KNDC1: variants seen among roughly 807,000 people sequenced by gnomAD.
The protein encoded by KNDC1 is kinase non-catalytic C-lobe domain-containing protein 1.
Under a neutral mutation model 172.8 loss-of-function variants are expected in KNDC1, and 106 were observed. That is an observed-to-expected ratio of 0.61 (90% CI 0.52 to 0.72). The LOEUF is 0.72. Ranked by LOEUF, KNDC1 falls within the 30% of genes least tolerant of loss-of-function variation. The pLI is 0.00. For missense variants in KNDC1, 2,325 were observed against 2,394.5 expected (o/e 0.97, Z 0.61); for synonymous variants, 1,083 against 1,062.2 (o/e 1.02, Z -0.38).
intron 5 of KNDC1, among the ~76,000 whole-genome samples, 200 bp from the exon 6 acceptor site, chr10:133,185,774 G>A (rs1178441371): frequency 7.8e-6 from 1 of 127,754 alleles, no homozygotes; most frequent in African/African-American, 2.9e-5. Context: ...TGGGGCAGGA[G>A]AGGAAGGCGG....
chr10:133,182,308 G>A (rs547575088), intron 3 of KNDC1, among the ~76,000 whole-genome samples: 14 of 137,566 alleles, frequency 1.0e-4, no homozygotes, highest in South Asian at 8.3e-4. Flanking sequence ...ACACGGATGC[G>A]CGTCCACTCA....
At chr10:133,202,252 G>A (rs11817328) in intron 17 of KNDC1, 13,652 of 580,322 alleles carry the variant, frequency 0.024, 1,208 homozygotes, top group African/African-American at 0.21. Context: ...CACAGCCTCC[G>A]GGCCCTTGGG....
At chr10:133,170,773 G>C (rs576236051) in intron 3 of KNDC1, among the ~76,000 whole-genome samples, 4 of 152,164 alleles carry the variant, frequency 2.6e-5, no homozygotes, top group African/African-American at 9.7e-5. Flanking sequence ...TGTGGAAAAC[G>C]CCTGGATTTT....
In KNDC1 at chr10:133,160,284, GCCCCCCGCGC is replaced by G. The variant is rs1398933601; in HGVS notation, c.-178_-169del. On this transcript the variant is annotated 5_prime_UTR_variant, in exon 1 of 30. Transcript: ENST00000304613. Reference sequence around the variant, plus strand: ...GCCGCGCAGCCCCCGCGCACCCCGCGCCCCCCGCGCCCCCCGGGCCCGCCCCGTATCCCTG... The same window carrying G: ...GCCGCGCAGCCCCCGCGCACCCCGCGCCCCCGGGCCCGCCCCGTATCCCTG... Among the ~76,000 whole-genome samples, 6 of 92,458 alleles carry G rather than the reference GCCCCCCGCGC, an allele frequency of 6.5e-5. No homozygotes were observed. Among genetic ancestry groups the G allele is most frequent in the Non-Finnish European group, 1.6e-4 (6 of 37,514 alleles). 60.7% of individuals were successfully genotyped at this position (92,458 alleles called of 152,430 possible). A position where few individuals can be genotyped will look rare whatever the true frequency, so the allele number is the denominator to read the frequency against.
chr10:133,170,886 C>T (rs1033915499), intron 3 of KNDC1, among the ~76,000 whole-genome samples: 3 of 152,278 alleles, frequency 2.0e-5, no homozygotes, highest in East Asian at 1.9e-4. Flanking sequence ...ACTGTCCGCT[C>T]ATGAGGGAAT....
chr10:133,181,451 C>A (rs539106854), intron 3 of KNDC1, among the ~76,000 whole-genome samples: 3 of 152,298 alleles, frequency 2.0e-5, no homozygotes, highest in East Asian at 1.9e-4. Flanking sequence ...CGGTGCCAGG[C>A]GAGCCGTGAG....
At chr10:133,221,128 C>G (rs920556527) in intron 29 of KNDC1, among the ~76,000 whole-genome samples, 1 of 152,144 alleles carries the variant, frequency 6.6e-6, no homozygotes, top group African/African-American at 2.4e-5. Flanking sequence ...CCCTGAGGGT[C>G]TCTGCAGCAC....
chr10:133,198,912 A>G lies in KNDC1; in HGVS notation c.2404A>G (p.Ile802Val). The G allele has an allele frequency of 6.3e-7, 1 of 1,583,384 alleles. No individual in the cohort carries two copies. The highest frequency in any genetic ancestry group is 8.6e-7 in the Non-Finnish European group (1 of 1,169,536). The change falls in exon 14 of 30, where the codon ATC becomes GTC. Residue 802 changes from isoleucine to valine, a missense_variant. By Grantham distance (29) the Ile-to-Val change is conservative (BLOSUM62 3). Coordinates refer to ENST00000304613, the MANE Select transcript of KNDC1 (RefSeq NM_152643.8). Reference protein sequence around the residue: ...LPVEQGPAEPIPPGVASGGLR... With the variant: ...LPVEQGPAEPVPPGVASGGLR... Reference sequence around the variant, plus strand: ...CGTAGAGCAAGGGCCGGCTGAGCCGATCCCACCTGGAGTTGCTTCCGGGGG... The same window carrying G: ...CGTAGAGCAAGGGCCGGCTGAGCCGGTCCCACCTGGAGTTGCTTCCGGGGG...
In KNDC1 at chr10:133,211,466, G is replaced by A. The variant is rs144079929; in HGVS notation, c.3953G>A (p.Arg1318Gln). 8.7e-6 allele frequency: 14 copies of A among 1,613,854 alleles called. No homozygotes were observed. Among genetic ancestry groups the A allele is most frequent in the African/African-American group, 8.0e-5 (6 of 75,054 alleles). Residue 1318 changes from arginine (R) to glutamine (Q), a missense_variant, in exon 22 of 30, where the codon CGG becomes CAG. Transcript: ENST00000304613. ...PTSTFTKIYR[R>Q]SLCVLQAWVE... is the part of the protein sequence containing the mutation. ...TCGACCTTCACCAAGATCTACAGGC[G>A]GAGCCTCTGCGTCCTGCAGGCCTGG...
In KNDC1 at chr10:133,160,328, C is replaced by T. The variant is rs1280262842; in HGVS notation, c.-140C>T. On this transcript the variant is annotated 5_prime_UTR_variant, in exon 1 of 30. Transcript: ENST00000304613. Reference sequence around the variant, plus strand: ...CCCGCCCCGTATCCCTGACCGCGTCCCCTGGAGACACTGCGGCAGCGGCGG... The same window carrying T: ...CCCGCCCCGTATCCCTGACCGCGTCTCCTGGAGACACTGCGGCAGCGGCGG... 3.9e-6 allele frequency: 1 copy of T among 254,476 alleles called. No homozygotes were observed. The highest frequency in any genetic ancestry group is 5.8e-5 in the Admixed American group (1 of 17,210). 15.8% of individuals were successfully genotyped at this position (254,476 alleles called of 1,614,324 possible).
intron 26 of KNDC1, 107 bp from the exon 27 acceptor site, chr10:133,218,724 G>A (rs1175054300): frequency 7.2e-7 from 1 of 1,396,574 alleles, no homozygotes; most frequent in Admixed American, 1.9e-5. Flanking sequence ...ACGTGATGCA[G>A]CACACGCTCT....
intron 3 of KNDC1, 103 bp from the exon 4 acceptor site, chr10:133,183,240 TC>T (rs1853777666): frequency 6.0e-6 from 8 of 1,337,094 alleles, no homozygotes; most frequent in Non-Finnish European, 8.0e-6. Flanking sequence ...CAGGGGAATC[TC>T]ACGATTCCTG....
At chr10:133,191,210 G>A (rs1052705164) in intron 9 of KNDC1, among the ~76,000 whole-genome samples, 2 of 151,056 alleles carry the variant, frequency 1.3e-5, no homozygotes, top group African/African-American at 2.4e-5. Context: ...GTGGTGGCAC[G>A]TGCCTGTAAT....
rs976607559 is a variant in KNDC1 at position 133,212,828 on chromosome 10, A to C, written c.4349A>C (p.Tyr1450Ser). ...LPKPCFLEDFYGPCAKTSEKG... is the reference protein window; with the variant it reads ...LPKPCFLEDFSGPCAKTSEKG... Reference sequence around the variant, plus strand: ...AAGCCCTGCTTCCTCGAGGACTTCTACGGCCCCTGCGCCAAGACCAGTGAG... The same window carrying C: ...AAGCCCTGCTTCCTCGAGGACTTCTCCGGCCCCTGCGCCAAGACCAGTGAG... The change falls in exon 24 of 30, where the codon TAC becomes TCC. Residue 1450 changes from tyrosine to serine, a missense_variant. Physicochemically the swap from Tyr to Ser is moderately radical, Grantham distance 144. Coordinates refer to ENST00000304613, the MANE Select transcript of KNDC1 (RefSeq NM_152643.8). The C allele has an allele frequency of 1.9e-6, 3 of 1,613,806 alleles. No homozygotes were observed. Among genetic ancestry groups the C allele is most frequent in the Non-Finnish European group, 1.7e-6 (2 of 1,179,950 alleles).
Position 133,210,704 on chromosome 10 carries a change from C to T in KNDC1, c.3888C>T (p.Arg1296=), listed in dbSNP as rs759012714. The change falls in exon 21 of 30, where the codon CGC becomes CGT. Residue 1296 remains arginine (R), a synonymous_variant. Transcript: ENST00000304613. The part of the protein sequence containing the change: ...PHDFLHFLLD[R]INSTLTRAHQ... ...ACTTCCTGCACTTCCTCCTCGACCG[C>T]ATCAACAGCACGCTGACCAGGTACC... 40 of 1,613,362 alleles carry T rather than the reference C, an allele frequency of 2.5e-5. No individual in the cohort carries two copies. The highest frequency in any genetic ancestry group is 3.2e-5 in the Non-Finnish European group (38 of 1,179,374).
chr10:133,182,535 G>A (rs1254379549), intron 3 of KNDC1, among the ~76,000 whole-genome samples: 3 of 152,230 alleles, frequency 2.0e-5, no homozygotes, highest in East Asian at 3.9e-4. Context: ...CCTCTTGTGG[G>A]AAAGGTGAAG....
intron 1 of KNDC1, among the ~76,000 whole-genome samples, chr10:133,166,448 TGCGG>T (rs1289941455): frequency 7.4e-5 from 11 of 148,260 alleles, no homozygotes; most frequent in Non-Finnish European, 1.7e-4. Context: ...AATGGGTGTG[TGCGG>T]GTGTGCATGT....
chr10:133,199,697 A>G, intron 15 of KNDC1, 95 bp downstream of exon 15: 2 of 1,417,720 alleles, frequency 1.4e-6, no homozygotes, highest in South Asian at 2.6e-5. Context: ...TTCCCCTCCC[A>G]ACCCTCCGCT....
chr10:133,214,704 G>A (rs1845440665), intron 26 of KNDC1, among the ~76,000 whole-genome samples: 1 of 152,222 alleles, frequency 6.6e-6, no homozygotes, highest in South Asian at 2.1e-4. Flanking sequence ...GGAACGGATC[G>A]GCTCCGTGGT....
Sources: allele counts gnomAD v4.1 joint callset (sites outside exome capture counted in the v4.1 genomes callset), GRCh38; gene constraint gnomAD v4.1.1; transcripts MANE v1.5; gene names NCBI Gene and HGNC (gene_info 2026-07-23, HGNC 2026-07-21).